RTTN: variants seen among roughly 807,000 people sequenced by gnomAD.
RTTN encodes rotatin.
Under a neutral mutation model 269.2 loss-of-function variants are expected in RTTN, and 182 were observed. The ratio of observed to expected loss-of-function variants is 0.68; its 90% confidence interval spans 0.60 to 0.76. The LOEUF is 0.76. RTTN is among the 30% of genes least tolerant of loss of function. The pLI is 0.00. For missense variants in RTTN, 2,545 were observed against 2,608.6 expected (o/e 0.98, Z 0.53); for synonymous variants, 1,006 against 963.5 (o/e 1.04, Z -0.82).
intron 28 of RTTN, among the ~76,000 whole-genome samples, chr18:70,097,513 G>A (rs1435087): frequency 0.81 from 123,837 of 152,200 alleles, 53,560 homozygotes; most frequent in East Asian, 1. Context: ...CAAAAGTGAC[G>A]GATTCTTTCC....
In RTTN at chr18:70,121,592, T is replaced by G. The variant is rs865910770; in HGVS notation, c.3492A>C (p.Glu1164Asp). 3.8e-6 allele frequency: 6 copies of G among 1,579,046 alleles called. No individual in the cohort carries two copies. The highest frequency in any genetic ancestry group is 2.0e-5 in the Admixed American group (1 of 50,170). The change falls in exon 26 of 49, where the codon GAA becomes GAC. Residue 1164 changes from glutamate (E) to aspartate (D), a missense_variant. Physicochemically the swap from Glu to Asp is conservative, Grantham distance 45 (BLOSUM62 2). Transcript: ENST00000640769. ...IKEQRKNSSL[E>D]LLNWILELLL... ...GTAATTCGAGAATCCAGTTTAGAAG[T>G]TCTAGTGAAGAATTTTTTCTTTGTT...
chr18:70,176,409 A>T (rs781331847), intron 11 of RTTN, among the ~76,000 whole-genome samples: 6 of 152,218 alleles, frequency 3.9e-5, no homozygotes, highest in Admixed American at 2.0e-4. Context: ...CAAGGAATAA[A>T]CAAACGTACA....
intron 44 of RTTN, among the ~76,000 whole-genome samples, chr18:70,022,343 C>G (rs994360977): frequency 1.3e-5 from 2 of 152,148 alleles, no homozygotes; most frequent in African/African-American, 2.4e-5. Flanking sequence ...TTCCTCTCAG[C>G]CTTCCCTCCG....
intron 11 of RTTN, among the ~76,000 whole-genome samples, chr18:70,171,916 C>T (rs2061153754): frequency 6.6e-6 from 1 of 152,160 alleles, no homozygotes; most frequent in Admixed American, 6.6e-5. Context: ...TGCTCTCAGT[C>T]ACTCAACTGG....
At chr18:70,080,928 T>TCACA (rs138851066) in intron 32 of RTTN, among the ~76,000 whole-genome samples, 2,683 of 146,816 alleles carry the variant, frequency 0.018, 43 homozygotes, top group African/African-American at 0.045. Context: ...GTGTGTGGTA[T>TCACA]CACACACACA....
At chr18:70,051,585 CA>C (rs762817152) in intron 38 of RTTN, 37 bp from the exon 39 acceptor site, 7 of 1,494,682 alleles carry the variant, frequency 4.7e-6, no homozygotes, top group Non-Finnish European at 6.4e-6. Flanking sequence ...GTTATTAACA[CA>C]AAGAAGGAAA....
intron 14 of RTTN, among the ~76,000 whole-genome samples, chr18:70,154,198 C>G (rs1599804553): frequency 6.6e-6 from 1 of 151,900 alleles, no homozygotes; most frequent in East Asian, 1.9e-4. Context: ...CTGACACATA[C>G]ATATTTATTT....
intron 23 of RTTN, chr18:70,131,877 A>G (rs1489529120): frequency 6.6e-6 from 1 of 152,036 alleles, no homozygotes; most frequent in Non-Finnish European, 1.5e-5. Context: ...TGTAAAATGC[A>G]TTAAAATATT....
intron 26 of RTTN, among the ~76,000 whole-genome samples, chr18:70,115,546 T>C (rs1035071213): frequency 1.3e-5 from 2 of 151,790 alleles, no homozygotes; most frequent in African/African-American, 4.8e-5. Context: ...TAAGATTTCA[T>C]TTGACTTTTT....
chr18:70,017,725 T>C (rs2056583703), intron 45 of RTTN, 51 bp from the exon 46 acceptor site: 6 of 1,490,784 alleles, frequency 4.0e-6, no homozygotes, highest in Non-Finnish European at 5.4e-6. Context: ...TTTCATTATT[T>C]TCCTAGTCCC....
At chr18:70,077,688 A>T (rs1303537119) in intron 32 of RTTN, among the ~76,000 whole-genome samples, 1 of 151,942 alleles carries the variant, frequency 6.6e-6, no homozygotes, top group Non-Finnish European at 1.5e-5. Flanking sequence ...TAATATAAAC[A>T]CAGACTTAGA....
chr18:70,040,494 G>C (rs1188918749), intron 40 of RTTN, among the ~76,000 whole-genome samples: 1 of 152,182 alleles, frequency 6.6e-6, no homozygotes, highest in Non-Finnish European at 1.5e-5. Flanking sequence ...GAACTAAAGA[G>C]AGAGCGAGAT....
chr18:70,057,681 C>G, intron 37 of RTTN, 61 bp downstream of exon 37: 1 of 1,276,436 alleles, frequency 7.8e-7, no homozygotes, highest in South Asian at 1.2e-5. Flanking sequence ...ATCTCCTCAG[C>G]AAGATTTTTA....
At chr18:70,030,190 A>G in intron 41 of RTTN, 81 bp from the exon 42 acceptor site, 1 of 909,728 alleles carries the variant, frequency 1.1e-6, no homozygotes, top group Non-Finnish European at 1.7e-6. Flanking sequence ...TCAGATTCTC[A>G]AAAAGGTAAC....
chr18:70,087,915 C>T, intron 31 of RTTN, 74 bp downstream of exon 31: 8 of 1,470,444 alleles, frequency 5.4e-6, no homozygotes, highest in South Asian at 1.3e-5. Context: ...CCATGTTGAG[C>T]GGCAGTCAAG....
At chr18:70,182,281 T>C (rs1050350352) in intron 10 of RTTN, among the ~76,000 whole-genome samples, 1 of 152,194 alleles carries the variant, frequency 6.6e-6, no homozygotes, top group East Asian at 1.9e-4. Context: ...ACATGGGTAT[T>C]GTTATTATGT....
intron 33 of RTTN, chr18:70,075,035 T>C (rs117301703): frequency 0.014 from 2,606 of 183,342 alleles, 44 homozygotes; most frequent in South Asian, 0.047. Context: ...TGGGCATAAC[T>C]TATAAAGTAT....
chr18:70,153,645 T>G (rs959813103), intron 14 of RTTN, among the ~76,000 whole-genome samples: 1 of 152,200 alleles, frequency 6.6e-6, no homozygotes, highest in Non-Finnish European at 1.5e-5. Flanking sequence ...TACATTTAGG[T>G]AGGTAAAGCT....
intron 3 of RTTN, 141 bp from the exon 4 acceptor site, chr18:70,202,124 T>C (rs2061969524): frequency 1.8e-6 from 1 of 559,180 alleles, no homozygotes; most frequent in South Asian, 2.6e-5. Context: ...TTTTTCTGAA[T>C]GATCTATCTT....
Sources: allele counts gnomAD v4.1 joint callset (sites outside exome capture counted in the v4.1 genomes callset), GRCh38; gene constraint gnomAD v4.1.1; transcripts MANE v1.5; gene names NCBI Gene and HGNC (gene_info 2026-07-23, HGNC 2026-07-21).